Variants in SENP7 observed in about 807,000 individuals in gnomAD.
SENP7 encodes SUMO specific peptidase 7.
In SENP7, 64 loss-of-function variants were observed where a neutral mutation model predicts 141.2. The observed-to-expected ratio is 0.45, with a 90% CI of 0.37 to 0.56. The LOEUF is 0.56. Ranked by LOEUF, SENP7 falls within the 20% of genes least tolerant of loss-of-function variation. SENP7 has a pLI of 0.00. For missense variants in SENP7, 1,025 were observed against 1,212.2 expected (o/e 0.85, Z 2.29); for synonymous variants, 382 against 426.4 (o/e 0.90, Z 1.28).
Position 101,459,057 on chromosome 3 carries a change from G to GA in SENP7, c.187-6dup, listed in dbSNP as rs151020849. The GA allele has an allele frequency of 5.1e-3, 7,024 of 1,378,020 alleles. No homozygotes were observed. Among genetic ancestry groups the GA allele is most frequent in the South Asian group, 7.1e-3 (519 of 72,954 alleles). The allele number at this position is 1,378,020 out of a possible 1,614,324, so 85.4% of individuals were successfully genotyped here. ...ATTCCTTAGGCTTCTTTCCCACTAG[G>GA]AAAAAAAAAATGAAATTTTAATAAT... is the stretch of plus-strand genomic sequence containing the variant. On this transcript the variant is annotated splice_region_variant and splice_polypyrimidine_tract_variant and intron_variant, in intron 3 of 23. Coordinates refer to ENST00000394095, the MANE Select transcript of SENP7 (RefSeq NM_020654.5).
intron 4 of SENP7, among the ~76,000 whole-genome samples, chr3:101,422,619 T>A (rs1202841565): frequency 6.6e-6 from 1 of 152,140 alleles, no homozygotes; most frequent in Non-Finnish European, 1.5e-5. Flanking sequence ...CAACTGTCTA[T>A]TTATAAAGTG....
At chr3:101,365,821 C>T (rs1443091148) in intron 9 of SENP7, among the ~76,000 whole-genome samples, 4 of 152,088 alleles carry the variant, frequency 2.6e-5, no homozygotes, top group Non-Finnish European at 5.9e-5. Flanking sequence ...TGTACCCTTA[C>T]CTTCTAAAGA....
At chr3:101,483,596 A>G (rs1243986359) in intron 3 of SENP7, among the ~76,000 whole-genome samples, 1 of 152,238 alleles carries the variant, frequency 6.6e-6, no homozygotes, top group Non-Finnish European at 1.5e-5. Context: ...AAACCTGCAT[A>G]TGTACTAGCT....
intron 3 of SENP7, among the ~76,000 whole-genome samples, chr3:101,483,346 A>G (rs2064580872): frequency 6.6e-6 from 1 of 152,294 alleles, no homozygotes. Flanking sequence ...ACAAAATACT[A>G]CATGTTCTCA....
At chr3:101,399,181 C>T (rs1316187272) in intron 5 of SENP7, 126 bp from the exon 6 acceptor site, 1 of 504,224 alleles carries the variant, frequency 2.0e-6, no homozygotes, top group African/African-American at 2.0e-5. Context: ...ACTACACCAC[C>T]CTAGAAATTA....
In SENP7 at chr3:101,325,198, T is replaced by G. The variant is rs1047583906; in HGVS notation, c.*745A>C. ...CCTCAAGTTGAGCTACATGTATAATTTTTAAAAAACTATTTTGCACAGGTA... is the reference window on the plus strand; with the variant it reads ...CCTCAAGTTGAGCTACATGTATAATGTTTAAAAAACTATTTTGCACAGGTA... On this transcript the variant is annotated 3_prime_UTR_variant, in exon 24 of 24. Transcript: ENST00000394095. 2 of 152,050 alleles carry G rather than the reference T, an allele frequency of 1.3e-5. No homozygotes were observed. Among genetic ancestry groups the G allele is most frequent in the Non-Finnish European group, 2.9e-5 (2 of 67,992 alleles). The allele number at this position is 152,050 out of a possible 1,614,324, so 9.4% of individuals were successfully genotyped here.
intron 4 of SENP7, among the ~76,000 whole-genome samples, chr3:101,455,454 A>G (rs1390508941): frequency 1.3e-5 from 2 of 152,200 alleles, no homozygotes; most frequent in Non-Finnish European, 2.9e-5. Context: ...GAGGGTTTTC[A>G]GTTCCAAACT....
In SENP7 at chr3:101,361,810, T is replaced by C. The variant is rs372528693; in HGVS notation, c.1528A>G (p.Ile510Val). 44 of 1,608,490 alleles carry C rather than the reference T, an allele frequency of 2.7e-5. No homozygotes were observed. In the Admixed American group the frequency reaches 3.0e-4, roughly 11 times the overall value. ...YNPVMENISS[I>V]MPSNEMDLQL... ...AGATCCATCTCATTACTAGGCATAA[T>C]ACTGGAAATGTTCTCCATGACAGGA... The change falls in exon 11 of 24, where the codon ATT becomes GTT. Residue 510 changes from isoleucine (I) to valine (V), a missense_variant. By Grantham distance (29) the Ile-to-Val change is conservative (BLOSUM62 3). Coordinates refer to ENST00000394095, the MANE Select transcript of SENP7 (RefSeq NM_020654.5).
At chr3:101,451,527 G>A (rs1308645954) in intron 4 of SENP7, among the ~76,000 whole-genome samples, 1 of 152,108 alleles carries the variant, frequency 6.6e-6, no homozygotes, top group African/African-American at 2.4e-5. Context: ...TGATCAAGTG[G>A]GCTTCATCCC....
At chr3:101,463,400 T>TATATATATATATATATATATACAC (rs769567759) in intron 3 of SENP7, among the ~76,000 whole-genome samples, 18 of 77,984 alleles carry the variant, frequency 2.3e-4, no homozygotes, top group Non-Finnish European at 3.9e-4. Flanking sequence ...TATATATACA[T>TATATATATATATATATATATACAC]ATATATATAT....
chr3:101,450,456 G>T (rs1052282665), intron 4 of SENP7, among the ~76,000 whole-genome samples: 1 of 152,132 alleles, frequency 6.6e-6, no homozygotes, highest in African/African-American at 2.4e-5. Context: ...TGATCACATA[G>T]TTGGAAGTAA....
intron 9 of SENP7, among the ~76,000 whole-genome samples, chr3:101,365,693 C>T (rs968782216): frequency 6.7e-6 from 1 of 148,886 alleles, no homozygotes; most frequent in African/African-American, 2.5e-5. Context: ...TTTTAATAAT[C>T]CTGTTAAACT....
At chr3:101,411,954 G>A (rs2107633022) in intron 5 of SENP7, among the ~76,000 whole-genome samples, 1 of 152,240 alleles carries the variant, frequency 6.6e-6, no homozygotes. Flanking sequence ...TTTTCTGACT[G>A]TGTCTCTGCA....
chr3:101,399,832 T>A (rs1005397594), intron 5 of SENP7, among the ~76,000 whole-genome samples: 2 of 152,136 alleles, frequency 1.3e-5, no homozygotes, highest in African/African-American at 4.8e-5. Flanking sequence ...CATTATGTTG[T>A]CCAGGCTGGT....
intron 3 of SENP7, among the ~76,000 whole-genome samples, chr3:101,462,406 T>TGGC: frequency 6.6e-6 from 1 of 151,952 alleles, no homozygotes; most frequent in South Asian, 2.1e-4. Context: ...CCAGGCGTGG[T>TGGC]GGCACATGCC....
chr3:101,504,136 G>A (rs2065495640), intron 1 of SENP7, among the ~76,000 whole-genome samples: 1 of 151,888 alleles, frequency 6.6e-6, no homozygotes, highest in African/African-American at 2.4e-5. Context: ...GAGAAACCAT[G>A]TAATGTTTTC....
At chr3:101,470,442 A>G (rs1189402362) in intron 3 of SENP7, among the ~76,000 whole-genome samples, 1 of 152,180 alleles carries the variant, frequency 6.6e-6, no homozygotes, top group African/African-American at 2.4e-5. Flanking sequence ...GCCTTTGACA[A>G]AATTAAAAAC....
At chr3:101,459,552 G>A (rs1460331553) in intron 3 of SENP7, among the ~76,000 whole-genome samples, 1 of 152,144 alleles carries the variant, frequency 6.6e-6, no homozygotes, top group Non-Finnish European at 1.5e-5. Flanking sequence ...CACAGTGTTA[G>A]CCTAGGCAAA....
chr3:101,436,005 A>G (rs2062373744), intron 4 of SENP7, among the ~76,000 whole-genome samples: 1 of 152,142 alleles, frequency 6.6e-6, no homozygotes, highest in African/African-American at 2.4e-5. Context: ...GAAGAATCAC[A>G]TTACCTGACT....
Sources: gnomAD v4.1 joint callset for allele counts (sites outside exome capture counted in the v4.1 genomes callset) on GRCh38, gnomAD v4.1.1 for gene constraint, MANE v1.5 for transcripts, NCBI Gene and HGNC (gene_info 2026-07-23, HGNC 2026-07-21) for gene names.